Variants in NRXN3 observed in about 807,000 individuals in gnomAD.
NRXN3 encodes neurexin 3, also known as neurexin III.
A neutral mutation model predicts 137.6 loss-of-function variants in NRXN3; 32 were observed. The ratio of observed to expected loss-of-function variants is 0.23; its 90% CI spans 0.18 to 0.31. The LOEUF (loss-of-function observed/expected upper bound fraction) is 0.31. NRXN3 is among the 10% of genes least tolerant of loss of function. The pLI, the probability that NRXN3 is intolerant of heterozygous loss-of-function variation, is 1.00. For missense variants in NRXN3, 1,574 were observed against 2,062.5 expected (o/e 0.76, Z 4.59); for synonymous variants, 798 against 784.5 (o/e 1.02, Z -0.29).
chr14:79,069,412 AC>A (rs2099684732), intron 15 of NRXN3, among the ~76,000 whole-genome samples: 1 of 151,830 alleles, frequency 6.6e-6, no homozygotes, highest in African/African-American at 2.4e-5. Context: ...TGGACAAAAA[AC>A]CCTGTCTCTG....
intron 4 of NRXN3, among the ~76,000 whole-genome samples, chr14:78,301,722 C>G (rs1313986736): frequency 2.0e-5 from 3 of 152,164 alleles, no homozygotes; most frequent in Non-Finnish European, 4.4e-5. Context: ...AAGGGGCTGA[C>G]AAGTTGTTGA....
In NRXN3 at chr14:79,216,553, A is replaced by G. The variant is rs17108957; in HGVS notation, c.3262+228412A>G. ...CTCTACAATATTGTTTGGTCATCTT[A>G]TAAAAGTAAAAAATAGTGTACCTTT... On this transcript the variant is annotated intron_variant, in intron 15 of 20. Coordinates refer to ENST00000335750, the MANE Select transcript of NRXN3 (RefSeq NM_001330195.2). 4.3e-3 allele frequency among the ~76,000 whole-genome samples: 649 copies of G among 152,308 alleles called. 21 individuals are homozygous for G. Among genetic ancestry groups the G allele is most frequent in the Admixed American group, 0.038 (586 of 15,286 alleles).
At chr14:78,979,856 A>T (rs2153042301) in intron 14 of NRXN3, among the ~76,000 whole-genome samples, 1 of 152,212 alleles carries the variant, frequency 6.6e-6, no homozygotes, top group East Asian at 1.9e-4. Flanking sequence ...CATGAGACTT[A>T]TTCACTATCG....
At chr14:78,623,727 C>A (rs760070903) in intron 4 of NRXN3, among the ~76,000 whole-genome samples, 1 of 152,152 alleles carries the variant, frequency 6.6e-6, no homozygotes, top group Non-Finnish European at 1.5e-5. Context: ...ACCACCACGC[C>A]TGGCTAATTT....
intron 4 of NRXN3, among the ~76,000 whole-genome samples, chr14:78,547,298 T>C (rs1459907023): frequency 6.6e-6 from 1 of 151,840 alleles, no homozygotes; most frequent in Non-Finnish European, 1.5e-5. Flanking sequence ...CTCCCCGTCC[T>C]GGGTTCATGC....
chr14:79,725,605 C>T (rs1296706373), intron 19 of NRXN3, among the ~76,000 whole-genome samples: 1 of 152,120 alleles, frequency 6.6e-6, no homozygotes, highest in Non-Finnish European at 1.5e-5. Flanking sequence ...CTGATTTCCC[C>T]ATTGACTTTC....
intron 4 of NRXN3, among the ~76,000 whole-genome samples, chr14:78,532,276 G>A (rs150474655): frequency 1.9e-4 from 29 of 151,146 alleles, no homozygotes; most frequent in East Asian, 9.7e-4. Context: ...AGCCAAGATC[G>A]CGCCATTGCA....
chr14:78,279,883 T>C (rs2074156640), intron 3 of NRXN3, among the ~76,000 whole-genome samples: 1 of 152,190 alleles, frequency 6.6e-6, no homozygotes, highest in African/African-American at 2.4e-5. Context: ...CAGACTTAAG[T>C]AGGGTTCTTC....
chr14:78,816,507 A>G (rs1018668606), intron 10 of NRXN3, among the ~76,000 whole-genome samples: 1 of 152,166 alleles, frequency 6.6e-6, no homozygotes, highest in Admixed American at 6.5e-5. Flanking sequence ...TATTCCGTCT[A>G]ATAGCCACAT....
At chr14:78,641,164 A>G (rs1024804577) in intron 4 of NRXN3, among the ~76,000 whole-genome samples, 3 of 152,164 alleles carry the variant, frequency 2.0e-5, no homozygotes, top group African/African-American at 7.2e-5. Context: ...GTTTGTCACT[A>G]TTTGGTTTTG....
At chr14:78,927,838 A>G (rs1288309055) in intron 10 of NRXN3, among the ~76,000 whole-genome samples, 1 of 152,134 alleles carries the variant, frequency 6.6e-6, no homozygotes, top group East Asian at 1.9e-4. Context: ...TTAAGGCACC[A>G]TGGTTAGTGT....
chr14:78,506,294 C>A (rs1345399883), intron 4 of NRXN3, among the ~76,000 whole-genome samples: 1 of 152,066 alleles, frequency 6.6e-6, no homozygotes, highest in Non-Finnish European at 1.5e-5. Context: ...GATAGGATTT[C>A]CTTCTTTTAA....
chr14:79,258,898 T>C (rs945685307), intron 15 of NRXN3, among the ~76,000 whole-genome samples: 2 of 152,330 alleles, frequency 1.3e-5, no homozygotes, highest in East Asian at 3.9e-4. Context: ...ACTTTGTCTT[T>C]TCCTTCAACT....
intron 14 of NRXN3, among the ~76,000 whole-genome samples, chr14:78,982,778 A>G (rs1229185031): frequency 6.6e-6 from 1 of 152,174 alleles, no homozygotes; most frequent in Non-Finnish European, 1.5e-5. Flanking sequence ...CAGGCAACAT[A>G]AACAAATGAG....
chr14:78,296,170 C>A (rs2076316857), intron 3 of NRXN3, among the ~76,000 whole-genome samples: 1 of 151,718 alleles, frequency 6.6e-6, no homozygotes, highest in South Asian at 2.1e-4. Context: ...GCAATCCTCC[C>A]ACCTCAGTGC....
chr14:78,904,479 G>T (rs780917046), intron 10 of NRXN3, among the ~76,000 whole-genome samples: 2 of 151,938 alleles, frequency 1.3e-5, no homozygotes, highest in African/African-American at 2.4e-5. Context: ...GCTGTTTTCC[G>T]CCTGTTGCAT....
chr14:79,753,922 A>G (rs1568122535), intron 19 of NRXN3, among the ~76,000 whole-genome samples: 1 of 152,026 alleles, frequency 6.6e-6, no homozygotes, highest in Non-Finnish European at 1.5e-5. Flanking sequence ...CAAAAATACA[A>G]ATTTTAAAAC....
chr14:79,406,410 T>C (rs747834422), intron 15 of NRXN3, among the ~76,000 whole-genome samples: 8 of 152,060 alleles, frequency 5.3e-5, no homozygotes, highest in Non-Finnish European at 1.0e-4. Context: ...GCTCAGATCC[T>C]TCCACCTCAG....
chr14:79,768,464 C>A (rs956404059), intron 19 of NRXN3, among the ~76,000 whole-genome samples: 1 of 152,122 alleles, frequency 6.6e-6, no homozygotes, highest in African/African-American at 2.4e-5. Flanking sequence ...GGTCCCTGAC[C>A]CCTGACCCCC....
Sources: gnomAD v4.1 joint callset for allele counts (sites outside exome capture counted in the v4.1 genomes callset) on GRCh38, gnomAD v4.1.1 for gene constraint, MANE v1.5 for transcripts, NCBI Gene and HGNC (gene_info 2026-07-23, HGNC 2026-07-21) for gene names.